Variants in RASA2 observed in about 807,000 individuals in gnomAD.
The protein encoded by RASA2 is ras GTPase-activating protein 2.
A neutral mutation model predicts 118.2 loss-of-function variants in RASA2; 155 were observed. The ratio of observed to expected loss-of-function variants is 1.31; its 90% confidence interval spans 1.15 to 1.50. RASA2 has a LOEUF of 1.50. Ranked by LOEUF, RASA2 falls within the 40% of genes most tolerant of loss-of-function variation. The pLI, the probability that RASA2 is intolerant of heterozygous loss-of-function variation, is 0.00. For synonymous variants in RASA2, 353 were observed against 349.1 expected (o/e 1.01, Z -0.12); for missense variants, 1,016 against 1,009.6 (o/e 1.01, Z -0.09).
At chr3:141,552,434 C>T (rs1258936024) in intron 5 of RASA2, among the ~76,000 whole-genome samples, 1 of 152,170 alleles carries the variant, frequency 6.6e-6, no homozygotes, top group African/African-American at 2.4e-5. Context: ...TTGAGCCTTA[C>T]CTTGTAACTT....
At chr3:141,546,471 T>C (rs970118816) in intron 5 of RASA2, among the ~76,000 whole-genome samples, 3 of 152,240 alleles carry the variant, frequency 2.0e-5, no homozygotes, top group African/African-American at 7.2e-5. Flanking sequence ...TAAATTTGTT[T>C]GCCATTTGTA....
chr3:141,577,000 A>G lies in RASA2; in HGVS notation c.1484A>G (p.Asn495Ser). 6.3e-7 allele frequency: 1 copy of G among 1,575,834 alleles called. No homozygotes were observed. Among genetic ancestry groups the G allele is most frequent in the Non-Finnish European group, 8.6e-7 (1 of 1,162,394 alleles). ...ACATTTCACCATTTTTTTCCTGCAG[A>G]TGACCCTCATGTTCAGTATTCTGCA... Reference protein sequence around the residue: ...LRQMATQRFPNDPHVQYSAVS... With the variant: ...LRQMATQRFPSDPHVQYSAVS... The change falls in exon 15 of 24, where the codon AAT (asparagine) becomes AGT (serine). Residue 495 changes from asparagine to serine, a missense_variant and splice_region_variant. Asn to Ser is a conservative substitution (Grantham distance 46). This residue lies in a region of RASA2 where 896 missense variants were observed against 836.4 expected (regional missense o/e 1.07). Transcript: ENST00000286364.
At chr3:141,493,445 G>A (rs2081662353) in intron 1 of RASA2, among the ~76,000 whole-genome samples, 1 of 152,150 alleles carries the variant, frequency 6.6e-6, no homozygotes, top group Admixed American at 6.5e-5. Flanking sequence ...AAAAAATTAT[G>A]ATGCCCAGAC....
At chr3:141,596,264 A>G (rs750700885) in intron 19 of RASA2, among the ~76,000 whole-genome samples, 12 of 152,232 alleles carry the variant, frequency 7.9e-5, no homozygotes, top group Non-Finnish European at 1.6e-4. Context: ...TAAGTAACCT[A>G]TAGATTGAAG....
In RASA2 at chr3:141,555,836, A is replaced by T; in HGVS notation, c.612-4A>T. Reference sequence around the variant, plus strand: ...CAAGGTAAAACTCTACCACATTGGAACAGGAATGACCAAAAGAAGACAAAA... The same window carrying T: ...CAAGGTAAAACTCTACCACATTGGATCAGGAATGACCAAAAGAAGACAAAA... On this transcript the variant is annotated splice_region_variant and splice_polypyrimidine_tract_variant and intron_variant, in intron 6 of 23. Coordinates refer to ENST00000286364, the MANE Select transcript of RASA2 (RefSeq NM_006506.5). The T allele has an allele frequency of 6.2e-7, 1 of 1,610,530 alleles. No individual in the cohort carries two copies. The highest frequency in any genetic ancestry group is 8.5e-7 in the Non-Finnish European group (1 of 1,177,626).
At position 141,577,116 on chromosome 3, in the gene RASA2, C is replaced by A; in HGVS notation, c.1590+10C>A. 1 of 1,540,742 alleles carries A rather than the reference C, an allele frequency of 6.5e-7. No individual in the cohort carries two copies. The highest frequency in any genetic ancestry group is 1.2e-5 in the South Asian group (1 of 84,338). ...GCGACCTCATCATCCAGTAAGTGTT[C>A]ATTCTTCTGAAAGCTTTATTCCATT... On this transcript the variant is annotated intron_variant, in intron 15 of 23. Coordinates refer to ENST00000286364, the MANE Select transcript of RASA2 (RefSeq NM_006506.5).
intron 19 of RASA2, among the ~76,000 whole-genome samples, chr3:141,591,097 CTTAG>C (rs1057155547): frequency 1.3e-5 from 2 of 152,136 alleles, no homozygotes; most frequent in Non-Finnish European, 2.9e-5. Context: ...TAAAAGTTCT[CTTAG>C]TTATATGCGG....
chr3:141,500,538 T>C (rs2081763887), intron 1 of RASA2, among the ~76,000 whole-genome samples: 1 of 152,232 alleles, frequency 6.6e-6, no homozygotes, highest in Admixed American at 6.5e-5. Context: ...GTCTACAAAT[T>C]AGGAATAGTA....
chr3:141,542,469 C>T (rs772288826), intron 5 of RASA2, among the ~76,000 whole-genome samples: 2 of 152,108 alleles, frequency 1.3e-5, no homozygotes, highest in African/African-American at 2.4e-5. Flanking sequence ...TAATTTCACA[C>T]AGGAAGTGTT....
chr3:141,498,658 AG>A (rs1020333739), intron 1 of RASA2, among the ~76,000 whole-genome samples: 2 of 151,622 alleles, frequency 1.3e-5, no homozygotes, highest in South Asian at 2.1e-4. Context: ...TTTTTTGTGG[AG>A]GGGGGGCGAA....
At chr3:141,596,257 G>C (rs188650748) in intron 19 of RASA2, among the ~76,000 whole-genome samples, 1 of 152,252 alleles carries the variant, frequency 6.6e-6, no homozygotes, top group East Asian at 1.9e-4. Context: ...ATACTTCTAA[G>C]TAACCTATAG....
intron 19 of RASA2, chr3:141,590,010 A>G (rs2083264012): frequency 2.4e-6 from 1 of 416,332 alleles, no homozygotes; most frequent in Non-Finnish European, 4.7e-6. Context: ...GAGGAATGAG[A>G]TATGAAGTTT....
chr3:141,578,351 C>A (rs1211441658), intron 15 of RASA2, among the ~76,000 whole-genome samples: 1 of 152,220 alleles, frequency 6.6e-6, no homozygotes, highest in Non-Finnish European at 1.5e-5. Context: ...TATAATGTAT[C>A]ATTCCATGCT....
chr3:141,552,186 A>G (rs999530634), intron 5 of RASA2, among the ~76,000 whole-genome samples: 12 of 152,126 alleles, frequency 7.9e-5, no homozygotes, highest in East Asian at 3.8e-4. Context: ...TAAGTTTTTT[A>G]TAAGTCAGTA....
intron 1 of RASA2, among the ~76,000 whole-genome samples, chr3:141,501,441 C>G (rs1375265056): frequency 2.0e-5 from 3 of 152,222 alleles, no homozygotes; most frequent in African/African-American, 7.2e-5. Context: ...AATATTTACT[C>G]TGTCTTAGGC....
Position 141,571,491 on chromosome 3 carries a change from T to C in RASA2, c.1106T>C (p.Leu369Pro). The C allele has an allele frequency of 6.2e-7, 1 of 1,613,380 alleles. No individual in the cohort carries two copies. The highest frequency in any genetic ancestry group is 8.5e-7 in the Non-Finnish European group (1 of 1,179,514). ...DAVLPLVRLL[L>P]HHDKLVPFAT... The stretch of plus-strand genomic sequence containing the variant: ...GTTTTGCCCCTTGTACGACTGCTGC[T>C]GCACCATGATAAACTTGTTCCTTTT... The change falls in exon 11 of 24, where the codon CTG (leucine) becomes CCG (proline). Residue 369 changes from leucine to proline, a missense_variant. Around this residue, in one of 2 missense-constraint regions of RASA2, gnomAD observed 896 missense variants for 836.4 expected, o/e 1.07. Transcript: ENST00000286364.
At chr3:141,569,821 T>C (rs1192019460) in intron 9 of RASA2, among the ~76,000 whole-genome samples, 1 of 152,162 alleles carries the variant, frequency 6.6e-6, no homozygotes, top group African/African-American at 2.4e-5. Context: ...TGTCTATTGT[T>C]ACCATCTTTG....
chr3:141,571,103 G>A (rs780498246), intron 10 of RASA2, 35 bp downstream of exon 10: 16 of 1,546,086 alleles, frequency 1.0e-5, no homozygotes, highest in African/African-American at 1.4e-5. Context: ...GATTTAACAC[G>A]AAACGGCTAA....
chr3:141,592,079 A>C (rs74867976), intron 19 of RASA2, among the ~76,000 whole-genome samples: 3,419 of 152,244 alleles, frequency 0.022, 136 homozygotes, highest in African/African-American at 0.077. Flanking sequence ...AAAAAAGAAA[A>C]TTATATTTAT....
Sources: gnomAD v4.1 joint callset for allele counts (sites outside exome capture counted in the v4.1 genomes callset) on GRCh38, gnomAD v4.1.1 for gene constraint, gnomAD v4.1.1 regional missense constraint, MANE v1.5 for transcripts, NCBI Gene and HGNC (gene_info 2026-07-23, HGNC 2026-07-21) for gene names.